Variants in CFAP61 observed in about 807,000 individuals in gnomAD.
The protein encoded by CFAP61 is cilia- and flagella-associated protein 61.
CFAP61 carries 107 observed loss-of-function variants against 135.6 expected under a neutral mutation model. The observed-to-expected ratio is 0.79, with a 90% confidence interval of 0.67 to 0.93. The LOEUF is 0.93. CFAP61 is among the 40% of genes least tolerant of loss of function. The probability of loss-of-function intolerance (pLI) is 0.00; values close to 1 mark genes in which losing one functional copy is unlikely to be tolerated. For missense variants in CFAP61, 1,507 were observed against 1,556.2 expected (o/e 0.97, Z 0.53); for synonymous variants, 575 against 578.5 (o/e 0.99, Z 0.09).
At chr20:20,193,608 A>G (rs1312966005) in intron 15 of CFAP61, among the ~76,000 whole-genome samples, 2 of 151,886 alleles carry the variant, frequency 1.3e-5, no homozygotes, top group African/African-American at 4.8e-5. Context: ...TCAAATTATT[A>G]TAATAATTAT....
intron 8 of CFAP61, among the ~76,000 whole-genome samples, chr20:20,110,763 AG>A (rs2048746471): frequency 6.6e-6 from 1 of 152,190 alleles, no homozygotes; most frequent in Non-Finnish European, 1.5e-5. Context: ...ACACAGCAGC[AG>A]CTCCAAGCAC....
At chr20:20,273,248 A>G (rs2053501435) in intron 21 of CFAP61, among the ~76,000 whole-genome samples, 1 of 152,142 alleles carries the variant, frequency 6.6e-6, no homozygotes, top group African/African-American at 2.4e-5. Context: ...TGCCACCAAT[A>G]TGACAGGAGT....
chr20:20,181,197 A>G (rs28611384), intron 13 of CFAP61, among the ~76,000 whole-genome samples: 1 of 137,246 alleles, frequency 7.3e-6, no homozygotes, highest in East Asian at 2.0e-4. Flanking sequence ...ATATATATGT[A>G]TATATATGTA....
chr20:20,207,574 T>C (rs2056913784), intron 17 of CFAP61, among the ~76,000 whole-genome samples: 1 of 152,196 alleles, frequency 6.6e-6, no homozygotes, highest in South Asian at 2.1e-4. Flanking sequence ...AGAATCTGCC[T>C]TTAGGGAAGA....
intron 2 of CFAP61, among the ~76,000 whole-genome samples, chr20:20,061,749 G>A (rs992656889): frequency 6.6e-6 from 1 of 152,228 alleles, no homozygotes; most frequent in African/African-American, 2.4e-5. Flanking sequence ...TCTCCCTGCT[G>A]TAGTCCCCAT....
rs188720024 is a variant in CFAP61, at chr20:20,069,811, A to G, written c.144-1043A>G. 3.1e-4 allele frequency: 142 copies of G among 453,854 alleles called. 1 individual carries two copies. In the East Asian group the frequency reaches 8.7e-3, roughly 28 times the overall value. 28.1% of individuals were successfully genotyped at this position (453,854 alleles called of 1,614,324 possible). On this transcript the variant is annotated intron_variant, in intron 2 of 26. Transcript: ENST00000245957. ...TGATAAAAACATAACTGGAAAGCCC[A>G]TGTCACTTTCTGTCCTCCTGTCATC...
chr20:20,169,535 A>AT, intron 13 of CFAP61, 75 bp downstream of exon 13: 2 of 1,254,998 alleles, frequency 1.6e-6, no homozygotes, highest in Non-Finnish European at 2.1e-6. Flanking sequence ...ACTCCCTGCT[A>AT]TTATAATTTA....
At chr20:20,069,274 T>C (rs2045537247) in intron 2 of CFAP61, among the ~76,000 whole-genome samples, 1 of 152,314 alleles carries the variant, frequency 6.6e-6, no homozygotes, top group African/African-American at 2.4e-5. Context: ...TTTTATTTTA[T>C]TGTTATTTAT....
At chr20:20,182,211 A>G (rs1234429608) in intron 13 of CFAP61, among the ~76,000 whole-genome samples, 3 of 152,224 alleles carry the variant, frequency 2.0e-5, no homozygotes, top group African/African-American at 7.2e-5. Context: ...GCTGCTTGAT[A>G]ATTTGACAAC....
chr20:20,290,291 C>T lies in CFAP61; in HGVS notation c.3125-9C>T, dbSNP rs1394801975. 6.3e-7 allele frequency: 1 copy of T among 1,585,652 alleles called. No individual in the cohort carries two copies. The highest frequency in any genetic ancestry group is 8.7e-7 in the Non-Finnish European group (1 of 1,154,386). ...TAATTTTAAATGGAAAACTTGCCAT[C>T]TCTTCTAGGGGGCATTCTTCCTGGG... is the stretch of plus-strand genomic sequence containing the variant. On this transcript the variant is annotated splice_polypyrimidine_tract_variant and intron_variant, in intron 23 of 26. Transcript: ENST00000245957.
chr20:20,191,193 C>T lies in CFAP61; in HGVS notation c.1513-149C>T, dbSNP rs761624278. On this transcript the variant is annotated intron_variant, in intron 14 of 26. Transcript: ENST00000245957. ...GAGGATCCGGTGGACATAGGGAAGG[C>T]GTTTAACTTACTACCTGGCCAAAAG... 2.7e-5 allele frequency: 13 copies of T among 484,362 alleles called. No individual in the cohort carries two copies. The Middle Eastern group carries it at 1.7e-3, about 62-fold the overall frequency. 30.0% of individuals were successfully genotyped at this position (484,362 alleles called of 1,614,324 possible).
At chr20:20,182,789 T>A (rs2055199361) in intron 13 of CFAP61, among the ~76,000 whole-genome samples, 1 of 152,244 alleles carries the variant, frequency 6.6e-6, no homozygotes, top group African/African-American at 2.4e-5. Flanking sequence ...CCATTTTTGT[T>A]TGTTTGTTTG....
At chr20:20,238,910 A>T (rs181402288) in intron 18 of CFAP61, among the ~76,000 whole-genome samples, 36 of 152,064 alleles carry the variant, frequency 2.4e-4, no homozygotes. Context: ...GTGAAAATGC[A>T]GGTGCCCTTG....
chr20:20,339,428 C>T (rs1055704890), intron 25 of CFAP61, among the ~76,000 whole-genome samples: 7 of 152,018 alleles, frequency 4.6e-5, no homozygotes, highest in African/African-American at 1.7e-4. Flanking sequence ...GCATAGAAAT[C>T]GTTCAACCTG....
chr20:20,340,894 G>C lies in CFAP61; in HGVS notation c.3423-937G>C, dbSNP rs562291951. On this transcript the variant is annotated intron_variant, in intron 25 of 26. Transcript: ENST00000245957. Reference sequence around the variant, plus strand: ...TGAGGCCTGATACTGCTGAGTGCCAGGCTGTCCCTAACACAGACTCTCGGC... The same window carrying C: ...TGAGGCCTGATACTGCTGAGTGCCACGCTGTCCCTAACACAGACTCTCGGC... Among the ~76,000 whole-genome samples, 7 of 152,300 alleles carry C rather than the reference G, an allele frequency of 4.6e-5. No individual in the cohort carries two copies. The East Asian group carries it at 1.2e-3, about 25-fold the overall frequency.
chr20:20,321,818 G>A (rs1371121007), intron 25 of CFAP61, among the ~76,000 whole-genome samples: 2 of 152,200 alleles, frequency 1.3e-5, no homozygotes, highest in Non-Finnish European at 2.9e-5. Context: ...CCCAGAAAGA[G>A]TGTAAGGTGT....
intron 3 of CFAP61, among the ~76,000 whole-genome samples, chr20:20,073,037 C>G (rs2045830702): frequency 6.6e-6 from 1 of 152,114 alleles, no homozygotes; most frequent in African/African-American, 2.4e-5. Context: ...CAGTATCTAT[C>G]CCAGGGATAT....
At chr20:20,060,500 A>G (rs1406687938) in intron 2 of CFAP61, among the ~76,000 whole-genome samples, 5 of 152,240 alleles carry the variant, frequency 3.3e-5, no homozygotes, top group African/African-American at 9.6e-5. Flanking sequence ...CATATGTTAA[A>G]ACTAAGATTC....
intron 25 of CFAP61, among the ~76,000 whole-genome samples, chr20:20,304,955 G>C (rs2056378103): frequency 6.6e-6 from 1 of 152,170 alleles, no homozygotes; most frequent in African/African-American, 2.4e-5. Flanking sequence ...TTAATTAGCA[G>C]TCTGTGCATC....
Sources: allele counts gnomAD v4.1 joint callset (sites outside exome capture counted in the v4.1 genomes callset), GRCh38; gene constraint gnomAD v4.1.1; transcripts MANE v1.5; gene names NCBI Gene and HGNC (gene_info 2026-07-23, HGNC 2026-07-21).